RERG: variants seen among roughly 807,000 people sequenced by gnomAD.
The protein encoded by RERG is ras-related and estrogen-regulated growth inhibitor.
RERG carries 25 observed loss-of-function variants against 23.2 expected under a neutral mutation model. The observed-to-expected ratio is 1.08, with a 90% CI of 0.79 to 1.50. The LOEUF (loss-of-function observed/expected upper bound fraction) is 1.50. RERG is among the 40% of genes most tolerant of loss of function. The probability of loss-of-function intolerance (pLI) is 0.00; values close to 1 mark genes in which losing one functional copy is unlikely to be tolerated. For synonymous variants in RERG, 81 were observed against 89.1 expected, an observed-to-expected ratio of 0.91 and a Z score of 0.51; for missense variants, 253 against 250.1, an observed-to-expected ratio of 1.01 and a Z score of -0.08.
intron 2 of RERG, among the ~76,000 whole-genome samples, chr12:15,168,903 C>G (rs924320821): frequency 6.6e-6 from 1 of 152,154 alleles, no homozygotes; most frequent in African/African-American, 2.4e-5. Context: ...GGAGCAGAAC[C>G]TTTTCTTCTG....
intron 2 of RERG, among the ~76,000 whole-genome samples, chr12:15,147,561 C>A (rs1479308549): frequency 6.6e-6 from 1 of 152,186 alleles, no homozygotes; most frequent in Admixed American, 6.5e-5. Context: ...ACATAGAGAA[C>A]ATGTATCTGA....
At chr12:15,144,764 C>T (rs1185291956) in intron 2 of RERG, among the ~76,000 whole-genome samples, 2 of 152,094 alleles carry the variant, frequency 1.3e-5, no homozygotes, top group African/African-American at 4.8e-5. Context: ...TGGAGACAGG[C>T]CCATTATGAA....
At chr12:15,161,138 A>AACAGAAAG (rs1864598711) in intron 2 of RERG, among the ~76,000 whole-genome samples, 2 of 41,580 alleles carry the variant, frequency 4.8e-5, no homozygotes, top group Non-Finnish European at 9.1e-5. Context: ...CCATCTCAGA[A>AACAGAAAG]AAAGAAAGAA....
intron 2 of RERG, among the ~76,000 whole-genome samples, chr12:15,202,644 A>T (rs1214532520): frequency 3.3e-5 from 5 of 151,776 alleles, no homozygotes; most frequent in African/African-American, 1.2e-4. Context: ...TTTAAGGATG[A>T]ATAATGTTTC....
intron 2 of RERG, among the ~76,000 whole-genome samples, chr12:15,158,565 A>T (rs1359574412): frequency 6.6e-6 from 1 of 152,104 alleles, no homozygotes; most frequent in Non-Finnish European, 1.5e-5. Flanking sequence ...TACAAGTGTG[A>T]ACCATTGTGC....
intron 3 of RERG, among the ~76,000 whole-genome samples, chr12:15,113,460 T>C (rs184006564): frequency 6.6e-6 from 1 of 152,146 alleles, no homozygotes; most frequent in East Asian, 1.9e-4. Context: ...AATTGTACAT[T>C]CTGCTGAAAT....
At chr12:15,154,788 T>C (rs1449527289) in intron 2 of RERG, among the ~76,000 whole-genome samples, 1 of 152,236 alleles carries the variant, frequency 6.6e-6, no homozygotes, top group Non-Finnish European at 1.5e-5. Flanking sequence ...AGACAGCAAC[T>C]TAAAGACTAT....
At chr12:15,168,290 A>C (rs539036410) in intron 2 of RERG, among the ~76,000 whole-genome samples, 18 of 152,228 alleles carry the variant, frequency 1.2e-4, no homozygotes, top group Non-Finnish European at 2.4e-4. Flanking sequence ...GGTCTGCCTT[A>C]TTAGCAGGAG....
intron 3 of RERG, among the ~76,000 whole-genome samples, chr12:15,118,792 G>A (rs1378250137): frequency 6.6e-6 from 1 of 152,014 alleles, no homozygotes; most frequent in African/African-American, 2.4e-5. Context: ...TCTCCTTGAG[G>A]CCTCCCCAGA....
chr12:15,120,075 G>T (rs1863803666), intron 3 of RERG, among the ~76,000 whole-genome samples: 1 of 152,082 alleles, frequency 6.6e-6, no homozygotes, highest in African/African-American at 2.4e-5. Context: ...AGTGGAGAAA[G>T]GTAGAGAGTA....
Position 15,217,503 on chromosome 12 carries a change from A to G in RERG, c.-14T>C, listed in dbSNP as rs771666649. 1 of 1,601,416 alleles carries G rather than the reference A, an allele frequency of 6.2e-7. No individual in the cohort carries two copies. The highest frequency in any genetic ancestry group is 1.1e-5 in the South Asian group (1 of 90,782). On this transcript the variant is annotated 5_prime_UTR_variant, in exon 2 of 5. Transcript: ENST00000256953. Reference sequence around the variant, plus strand: ...ACTTTTAGCCATGATGGGTGTTGGTAGACAATTTACTGTTGTTAAAACTAA... The same window carrying G: ...ACTTTTAGCCATGATGGGTGTTGGTGGACAATTTACTGTTGTTAAAACTAA...
At chr12:15,151,331 T>A (rs1034447646) in intron 2 of RERG, among the ~76,000 whole-genome samples, 2 of 152,202 alleles carry the variant, frequency 1.3e-5, no homozygotes, top group Non-Finnish European at 2.9e-5. Flanking sequence ...AGAAGCAGCT[T>A]GCCAGATACA....
chr12:15,163,901 G>T (rs891983646), intron 2 of RERG, among the ~76,000 whole-genome samples: 10 of 152,164 alleles, frequency 6.6e-5, no homozygotes, highest in African/African-American at 2.4e-4. Context: ...CTACAGGAAG[G>T]GGTAGGGCGG....
At chr12:15,141,028 T>C (rs1331207484) in intron 2 of RERG, among the ~76,000 whole-genome samples, 3 of 152,194 alleles carry the variant, frequency 2.0e-5, no homozygotes, top group Non-Finnish European at 4.4e-5. Flanking sequence ...GTATTCCAAC[T>C]ATGTGTACAT....
At chr12:15,192,153 G>A (rs770271652) in intron 2 of RERG, among the ~76,000 whole-genome samples, 6 of 152,076 alleles carry the variant, frequency 3.9e-5, no homozygotes, top group Admixed American at 2.0e-4. Context: ...TGCTGGCCTC[G>A]CGATAGTAAG....
intron 3 of RERG, among the ~76,000 whole-genome samples, chr12:15,114,207 AAG>A (rs1863677041): frequency 6.6e-6 from 1 of 152,034 alleles, no homozygotes; most frequent in African/African-American, 2.4e-5. Context: ...AATTAAAAGT[AAG>A]AAAATATAAA....
At position 15,125,369 on chromosome 12, in the gene RERG, AAACTACATGAATAAAT is replaced by A. The variant is rs902246764; in HGVS notation, c.62-4266_62-4251del. 7.9e-5 allele frequency among the ~76,000 whole-genome samples: 12 copies of A among 152,180 alleles called. No individual in the cohort carries two copies. In the East Asian group the frequency reaches 1.3e-3, roughly 17 times the overall value. ...AAAAGTTAGAAATGTTAAAGCTTAA[AAACTACATGAATAAAT>A]TATAATAAACTTACGTAGTATCCTA... On this transcript the variant is annotated intron_variant, in intron 2 of 4. Transcript: ENST00000256953.
At chr12:15,112,649 G>C (rs1193837922) in intron 3 of RERG, among the ~76,000 whole-genome samples, 1 of 152,202 alleles carries the variant, frequency 6.6e-6, no homozygotes, top group Non-Finnish European at 1.5e-5. Flanking sequence ...CCTGATGAGA[G>C]TTAGGTTGAG....
At chr12:15,194,497 G>A (rs1485895732) in intron 2 of RERG, among the ~76,000 whole-genome samples, 1 of 81,216 alleles carries the variant, frequency 1.2e-5, no homozygotes, top group Non-Finnish European at 2.4e-5. Flanking sequence ...GGAAGAAGGA[G>A]CCCGATCTCC....
Sources: gnomAD v4.1 joint callset for allele counts (sites outside exome capture counted in the v4.1 genomes callset) on GRCh38, gnomAD v4.1.1 for gene constraint, MANE v1.5 for transcripts, NCBI Gene and HGNC (gene_info 2026-07-23, HGNC 2026-07-21) for gene names.